The following FOCAD variants were observed in gnomAD, a reference collection of about 807,000 sequenced individuals.
FOCAD encodes the protein KIAA1797.
In FOCAD, 198 loss-of-function variants were observed where a neutral mutation model predicts 225.6. The observed-to-expected ratio is 0.88, with a 90% CI of 0.78 to 0.99. The LOEUF (loss-of-function observed/expected upper bound fraction) is 0.99. Among genes scored for constraint, FOCAD ranks in the 50% least tolerant of loss-of-function variants. The probability of loss-of-function intolerance (pLI) is 0.00; values close to 1 mark genes in which losing one functional copy is unlikely to be tolerated. For missense variants in FOCAD, 2,713 were observed against 2,123.6 expected (o/e 1.28, Z -5.46); for synonymous variants, 897 against 755.0 (o/e 1.19, Z -3.08).
intron 7 of FOCAD, among the ~76,000 whole-genome samples, chr9:20,766,416 ACT>A (rs1830056260): frequency 6.6e-6 from 1 of 152,126 alleles, no homozygotes; most frequent in South Asian, 2.1e-4. Flanking sequence ...TGTTTCTTAT[ACT>A]CTCTGAAACA....
chr9:20,800,966 C>T (rs1271700204), intron 11 of FOCAD, among the ~76,000 whole-genome samples: 2 of 152,094 alleles, frequency 1.3e-5, no homozygotes, highest in African/African-American at 2.4e-5. Flanking sequence ...GTTTTTTCCC[C>T]ATCTTTGTGG....
chr9:20,753,903 T>C (rs1361542853), intron 5 of FOCAD, among the ~76,000 whole-genome samples: 2 of 152,104 alleles, frequency 1.3e-5, no homozygotes, highest in African/African-American at 4.8e-5. Context: ...GGCTGATTCA[T>C]CAGCCCATCT....
At chr9:20,665,968 C>T (rs1388551423) in intron 2 of FOCAD, among the ~76,000 whole-genome samples, 2 of 152,096 alleles carry the variant, frequency 1.3e-5, no homozygotes, top group African/African-American at 4.8e-5. Context: ...GGTCTCAGCT[C>T]ACTGCAACCT....
chr9:20,758,166 G>A lies in FOCAD; in HGVS notation c.469G>A (p.Ala157Thr), dbSNP rs755972163. 2.5e-6 allele frequency: 4 copies of A among 1,612,192 alleles called. No individual in the cohort carries two copies. The highest frequency in any genetic ancestry group is 1.3e-5 in the African/African-American group (1 of 74,802). The change falls in exon 6 of 44, where the codon GCG (alanine) becomes ACG (threonine). Residue 157 changes from alanine to threonine, a missense_variant. By Grantham distance (58) the Ala-to-Thr change is moderately conservative. Transcript: ENST00000338382. ...CWPVFLQQLTAFFQQCPERLE... is the reference protein window; with the variant it reads ...CWPVFLQQLTTFFQQCPERLE... Reference sequence around the variant, plus strand: ...GCCAGTGTTTTTGCAGCAGCTGACAGCGTTTTTCCAGCAGTGCCCTGAAAG... The same window carrying A: ...GCCAGTGTTTTTGCAGCAGCTGACAACGTTTTTCCAGCAGTGCCCTGAAAG...
chr9:20,894,895 T>A (rs1460127241), intron 21 of FOCAD, among the ~76,000 whole-genome samples: 1 of 152,078 alleles, frequency 6.6e-6, no homozygotes, highest in Non-Finnish European at 1.5e-5. Flanking sequence ...TGAAAAGCTG[T>A]CATCAAGCCT....
chr9:20,995,539 A>T lies in FOCAD; in HGVS notation c.5333-17A>T. On this transcript the variant is annotated splice_polypyrimidine_tract_variant and intron_variant, in intron 43 of 43. Transcript: ENST00000338382. ...GACCTTTTCAAATGCAGCCATACCT[A>T]TATTTTGTCCCCTTAGCCACCCTGC... The T allele has an allele frequency of 6.2e-7, 1 of 1,607,784 alleles. No individual in the cohort carries two copies. The highest frequency in any genetic ancestry group is 8.5e-7 in the Non-Finnish European group (1 of 1,174,570).
intron 36 of FOCAD, among the ~76,000 whole-genome samples, chr9:20,977,545 T>C (rs1271829970): frequency 6.6e-6 from 1 of 152,194 alleles, no homozygotes; most frequent in African/African-American, 2.4e-5. Context: ...GAAGGGGAGA[T>C]GAAGAGCAAT....
chr9:20,906,803 A>T (rs867557269), intron 21 of FOCAD, among the ~76,000 whole-genome samples: 1 of 152,100 alleles, frequency 6.6e-6, no homozygotes, highest in Non-Finnish European at 1.5e-5. Flanking sequence ...GGTTTGTTAG[A>T]CAATGCCAAG....
chr9:20,955,633 G>A (rs572551119), intron 35 of FOCAD, among the ~76,000 whole-genome samples: 6 of 147,000 alleles, frequency 4.1e-5, no homozygotes, highest in African/African-American at 1.3e-4. Flanking sequence ...ATTATTATCT[G>A]TTCTTGTGAA....
At chr9:20,963,096 T>A (rs528905854) in intron 35 of FOCAD, among the ~76,000 whole-genome samples, 4 of 152,322 alleles carry the variant, frequency 2.6e-5, no homozygotes, top group African/African-American at 9.6e-5. Flanking sequence ...TCATTCCAGT[T>A]AGTGTCTGAA....
At chr9:20,886,148 C>T (rs1021977910) in intron 21 of FOCAD, among the ~76,000 whole-genome samples, 2 of 152,162 alleles carry the variant, frequency 1.3e-5, no homozygotes, top group Non-Finnish European at 2.9e-5. Context: ...CATCTTTGTC[C>T]TTTGCCATCC....
At chr9:20,844,118 A>G (rs1203445579) in intron 15 of FOCAD, among the ~76,000 whole-genome samples, 5 of 152,128 alleles carry the variant, frequency 3.3e-5, no homozygotes, top group African/African-American at 1.2e-4. Flanking sequence ...CAACTATGTA[A>G]ACTATACACT....
intron 2 of FOCAD, among the ~76,000 whole-genome samples, chr9:20,672,104 G>T (rs1822081540): frequency 6.6e-6 from 1 of 151,930 alleles, no homozygotes; most frequent in Non-Finnish European, 1.5e-5. Context: ...ACTTTTGTGT[G>T]AAGGCAACAA....
At chr9:20,855,801 T>A (rs1301106126) in intron 15 of FOCAD, among the ~76,000 whole-genome samples, 1 of 151,054 alleles carries the variant, frequency 6.6e-6, no homozygotes, top group Admixed American at 6.6e-5. Context: ...ATTCTTTTTT[T>A]TTTTTTTTTT....
intron 2 of FOCAD, among the ~76,000 whole-genome samples, chr9:20,675,841 G>A (rs559847430): frequency 9.2e-5 from 14 of 152,178 alleles, no homozygotes; most frequent in Non-Finnish European, 1.6e-4. Flanking sequence ...ATTTTGAGTG[G>A]TTTTCCTTGG....
At chr9:20,840,672 G>A (rs1314920898) in intron 15 of FOCAD, among the ~76,000 whole-genome samples, 1 of 150,436 alleles carries the variant, frequency 6.6e-6, no homozygotes. Context: ...TATATCAACT[G>A]CAAAATAAGG....
At chr9:20,678,296 G>A (rs1822292678) in intron 2 of FOCAD, among the ~76,000 whole-genome samples, 1 of 152,098 alleles carries the variant, frequency 6.6e-6, no homozygotes, top group Admixed American at 6.5e-5. Flanking sequence ...GAGATACATG[G>A]CTACATCATT....
At chr9:20,855,659 T>C (rs1828101706) in intron 15 of FOCAD, among the ~76,000 whole-genome samples, 1 of 151,680 alleles carries the variant, frequency 6.6e-6, no homozygotes, top group South Asian at 2.1e-4. Context: ...TATTGTTAAC[T>C]GTTGTCACTC....
At position 20,857,104 on chromosome 9, in the gene FOCAD, A is replaced by G. The variant is rs573493249; in HGVS notation, c.1921-5474A>G. 5.9e-5 allele frequency among the ~76,000 whole-genome samples: 9 copies of G among 152,014 alleles called. No homozygotes were observed. In the South Asian group the frequency reaches 1.7e-3, roughly 28 times the overall value. On this transcript the variant is annotated intron_variant, in intron 15 of 43. Transcript: ENST00000338382. ...ATGTTTCTGTATAAATTTTAGCATT[A>G]TGTTTTCTGTTTCTGTGAAGAATGT... is the stretch of plus-strand genomic sequence containing the variant.
Sources: allele counts gnomAD v4.1 joint callset (sites outside exome capture counted in the v4.1 genomes callset), GRCh38; gene constraint gnomAD v4.1.1; transcripts MANE v1.5; gene names NCBI Gene and HGNC (gene_info 2026-07-23, HGNC 2026-07-21).